CCDC88C: variants seen among roughly 807,000 people sequenced by gnomAD.
CCDC88C encodes the protein coiled-coil and HOOK domain protein 88C.
Under a neutral mutation model 198.8 loss-of-function variants are expected in CCDC88C, and 131 were observed. The observed-to-expected ratio is 0.66, with a 90% CI of 0.57 to 0.76. The LOEUF is 0.76. Ranked by LOEUF, CCDC88C falls within the 30% of genes least tolerant of loss-of-function variation. The pLI, the probability that CCDC88C is intolerant of heterozygous loss-of-function variation, is 0.00. For synonymous variants in CCDC88C, 1,166 were observed against 1,114.7 expected (o/e 1.05, Z -0.92); for missense variants, 2,553 against 2,631.6 (o/e 0.97, Z 0.65).
In CCDC88C at chr14:91,272,813, C is replaced by G; in HGVS notation, c.5899G>C (p.Gly1967Arg). The stretch of plus-strand genomic sequence containing the variant: ...TCACTGCAGCCCTGCCCCGGGACCC[C>G]GTCTCCCTCTGAGAGGCTGAGCCCT... ...RAGLSLSEGD[G>R]VPGQGCSEGL... Residue 1967 changes from glycine to arginine, a missense_variant, in exon 30 of 30, where the codon GGG (glycine) becomes CGG (arginine). By Grantham distance (125) the Gly-to-Arg change is moderately radical (BLOSUM62 -2). Around this residue, in one of 2 missense-constraint regions of CCDC88C, gnomAD observed 1,293 missense variants for 1,219.6 expected, o/e 1.06. Transcript: ENST00000389857. 1 of 1,597,268 alleles carries G rather than the reference C, an allele frequency of 6.3e-7. No individual in the cohort carries two copies. Among genetic ancestry groups the G allele is most frequent in the Non-Finnish European group, 8.5e-7 (1 of 1,172,458 alleles).
At chr14:91,304,973 T>C (rs1465234632) in intron 19 of CCDC88C, among the ~76,000 whole-genome samples, 2 of 152,342 alleles carry the variant, frequency 1.3e-5, no homozygotes, top group East Asian at 3.9e-4. Context: ...CCAGGTGTGG[T>C]GGCTCACGCC....
rs970284726 is a variant in CCDC88C at position 91,272,918 on chromosome 14, C to T, written c.5794G>A (p.Ala1932Thr). ...SNSQLLHFSP[A>T]AAPAARTKPK... is the part of the protein sequence containing the mutation. ...TTGGTCCTGGCAGCCGGGGCTGCAG[C>T]AGGTGAGAAGTGCAGGAGCTGGGAG... Residue 1932 changes from alanine to threonine, a missense_variant, in exon 30 of 30, where the codon GCT becomes ACT. Physicochemically the swap from Ala to Thr is moderately conservative, Grantham distance 58 (BLOSUM62 0). Around this residue, in one of 2 missense-constraint regions of CCDC88C, gnomAD observed 1,293 missense variants for 1,219.6 expected, o/e 1.06. Transcript: ENST00000389857. 1.3e-6 allele frequency: 2 copies of T among 1,574,068 alleles called. No homozygotes were observed. The highest frequency in any genetic ancestry group is 1.7e-4 in the Middle Eastern group (1 of 6,000).
chr14:91,367,433 G>A (rs558874424), intron 3 of CCDC88C, among the ~76,000 whole-genome samples: 3 of 152,290 alleles, frequency 2.0e-5, no homozygotes, highest in South Asian at 2.1e-4. Context: ...CATGAGTGAC[G>A]TCGGCTTCGC....
chr14:91,337,989 C>T lies in CCDC88C; in HGVS notation c.1050+16G>A, dbSNP rs758142773. ...CCAGCAGCCCCATCCAGGGGCCTCACAGCAAGGCTCCCTACCTCCATGCGG... is the reference window on the plus strand; with the variant it reads ...CCAGCAGCCCCATCCAGGGGCCTCATAGCAAGGCTCCCTACCTCCATGCGG... On this transcript the variant is annotated intron_variant, in intron 10 of 29. Transcript: ENST00000389857. The T allele has an allele frequency of 1.9e-6, 3 of 1,607,944 alleles. No homozygotes were observed. The highest frequency in any genetic ancestry group is 1.7e-6 in the Non-Finnish European group (2 of 1,179,808).
chr14:91,281,380 A>G, intron 27 of CCDC88C, 77 bp downstream of exon 27: 1 of 1,607,468 alleles, frequency 6.2e-7, no homozygotes, highest in Non-Finnish European at 8.5e-7. Flanking sequence ...TACAGGACTC[A>G]GCTTAAAGGA....
At chr14:91,290,287 A>G (rs992703464) in intron 24 of CCDC88C, among the ~76,000 whole-genome samples, 3 of 152,236 alleles carry the variant, frequency 2.0e-5, no homozygotes, top group African/African-American at 7.2e-5. Flanking sequence ...AAAACAAAAC[A>G]AAACAAAACA....
chr14:91,387,325 G>A lies in CCDC88C; in HGVS notation c.270+21334C>T, dbSNP rs899226464. Among the ~76,000 whole-genome samples the A allele has an allele frequency of 3.9e-5, 6 of 152,214 alleles. No homozygotes were observed. The East Asian group carries it at 1.2e-3, about 29-fold the overall frequency. On this transcript the variant is annotated intron_variant, in intron 3 of 29. Transcript: ENST00000389857. ...CAGAACCTCTACGGGTTGTCATGGA[G>A]AGTGCCAACGTCCGGGCCATGGAGG...
At chr14:91,275,325 C>T (rs985139632) in intron 29 of CCDC88C, among the ~76,000 whole-genome samples, 8 of 152,070 alleles carry the variant, frequency 5.3e-5, no homozygotes, top group African/African-American at 1.9e-4. Flanking sequence ...GGAGGGGCCC[C>T]ACTCCTTGCT....
At chr14:91,346,769 C>T (rs767884984) in intron 4 of CCDC88C, among the ~76,000 whole-genome samples, 20 of 152,036 alleles carry the variant, frequency 1.3e-4, no homozygotes, top group Non-Finnish European at 2.4e-4. Flanking sequence ...CGTGGTGGCA[C>T]GCGTCTGTAA....
chr14:91,299,947 C>G lies in CCDC88C; in HGVS notation c.3759G>C (p.Arg1253Ser). 6.3e-7 allele frequency: 1 copy of G among 1,590,674 alleles called. No homozygotes were observed. The part of the protein sequence containing the change: ...TNALAMGENQ[R>S]LRGELDRVNF... ...CTCACCTGTCCAGCTCGCCCCGCAG[C>G]CTCTGGTTCTCGCCCATGGCGAGGG... The change falls in exon 21 of 30, where the codon AGG (arginine) becomes AGC (serine). Residue 1253 changes from arginine to serine, a missense_variant. Physicochemically the swap from Arg to Ser is moderately radical, Grantham distance 110. This residue lies in a region of CCDC88C where 1,293 missense variants were observed against 1,219.6 expected (regional missense o/e 1.06). Coordinates refer to ENST00000389857, the MANE Select transcript of CCDC88C (RefSeq NM_001080414.4).
chr14:91,392,922 G>A (rs889617218), intron 3 of CCDC88C, among the ~76,000 whole-genome samples: 4 of 152,176 alleles, frequency 2.6e-5, no homozygotes, highest in Admixed American at 6.5e-5. Flanking sequence ...TGATGACGGC[G>A]ATAATGATGT....
At chr14:91,318,840 C>T (rs1892221584) in intron 13 of CCDC88C, among the ~76,000 whole-genome samples, 1 of 145,980 alleles carries the variant, frequency 6.9e-6, no homozygotes, top group Non-Finnish European at 1.5e-5. Flanking sequence ...ATCGCTTGAA[C>T]CCAGGAGATG....
At chr14:91,277,605 T>TA (rs1338075610) in intron 29 of CCDC88C, among the ~76,000 whole-genome samples, 1 of 152,196 alleles carries the variant, frequency 6.6e-6, no homozygotes, top group East Asian at 1.9e-4. Flanking sequence ...GGTAAGCGGG[T>TA]ACTCAGAGCT....
intron 15 of CCDC88C, among the ~76,000 whole-genome samples, chr14:91,311,938 A>G (rs1384713334): frequency 6.6e-6 from 1 of 152,190 alleles, no homozygotes; most frequent in African/African-American, 2.4e-5. Flanking sequence ...GGATTCTAGG[A>G]AAAAAGGTAA....
Position 91,273,345 on chromosome 14 carries a change from TG to T in CCDC88C, c.5366del (p.Pro1789GlnfsTer13). On this transcript the variant is annotated frameshift_variant, in exon 30 of 30. Coordinates refer to ENST00000389857, the MANE Select transcript of CCDC88C (RefSeq NM_001080414.4). LOFTEE classifies it low-confidence loss of function (END_TRUNC). This position sits in a 1 kb window ranked among gnomAD's most constrained non-coding sequence, Gnocchi z 5.6. ...LGRPRQAPVP[P>X]ASHAPASRSA... ...TGCGGCTGGCAGGTGCATGGGAAGC[TG>T]GGGGCACCGGAGCCTGCCGGGGTCT... The T allele has an allele frequency of 6.5e-7, 1 of 1,543,338 alleles. No individual in the cohort carries two copies. Among genetic ancestry groups the T allele is most frequent in the Non-Finnish European group, 8.8e-7 (1 of 1,142,674 alleles).
intron 23 of CCDC88C, among the ~76,000 whole-genome samples, chr14:91,293,811 G>A (rs1317051768): frequency 1.3e-5 from 2 of 152,210 alleles, no homozygotes; most frequent in East Asian, 3.9e-4. Context: ...CCTCCATCCA[G>A]GGGGACACAG....
intron 10 of CCDC88C, among the ~76,000 whole-genome samples, chr14:91,333,844 T>G (rs556618655): frequency 5.3e-4 from 80 of 152,264 alleles, no homozygotes; most frequent in African/African-American, 1.9e-3. Flanking sequence ...CTTGAGAAAC[T>G]GAGAAATGAA....
intron 3 of CCDC88C, among the ~76,000 whole-genome samples, chr14:91,360,460 G>T (rs772714179): frequency 4.6e-5 from 7 of 151,168 alleles, no homozygotes; most frequent in Non-Finnish European, 8.9e-5. Context: ...AAGAAAATAA[G>T]AAGAAGAAGA....
intron 3 of CCDC88C, among the ~76,000 whole-genome samples, chr14:91,378,137 A>T (rs967601135): frequency 1.3e-5 from 2 of 152,234 alleles, no homozygotes; most frequent in South Asian, 4.1e-4. Context: ...GGGTGAGGCC[A>T]TCTATAACAA....
Sources: allele counts gnomAD v4.1 joint callset (sites outside exome capture counted in the v4.1 genomes callset), GRCh38; gene constraint gnomAD v4.1.1; regional missense constraint gnomAD v4.1.1; non-coding constraint Gnocchi (gnomAD v3.1); transcripts MANE v1.5; gene names NCBI Gene and HGNC (gene_info 2026-07-23, HGNC 2026-07-21).